Variants in CDKAL1 observed in about 807,000 individuals in gnomAD.
CDKAL1 encodes the protein CDKAL1 threonylcarbamoyladenosine tRNA methylthiotransferase, also known as threonylcarbamoyladenosine tRNA methylthiotransferase.
Under a neutral mutation model 68.2 loss-of-function variants are expected in CDKAL1, and 32 were observed. That is an observed-to-expected ratio of 0.47 (90% CI 0.35 to 0.63). The LOEUF is 0.63. CDKAL1 is among the 30% of genes least tolerant of loss of function. The pLI, the probability that CDKAL1 is intolerant of heterozygous loss-of-function variation, is 0.00. For synonymous variants in CDKAL1, 234 were observed against 244.3 expected (o/e 0.96, Z 0.39); for missense variants, 606 against 696.7 (o/e 0.87, Z 1.47).
At chr6:20,897,897 G>A (rs1761774723) in intron 9 of CDKAL1, among the ~76,000 whole-genome samples, 1 of 151,890 alleles carries the variant, frequency 6.6e-6, no homozygotes, top group Non-Finnish European at 1.5e-5. Context: ...CATTTTTAAA[G>A]TAATTAAAAT....
intron 10 of CDKAL1, among the ~76,000 whole-genome samples, chr6:20,958,541 C>T (rs1201096581): frequency 6.6e-6 from 1 of 152,134 alleles, no homozygotes; most frequent in East Asian, 1.9e-4. Flanking sequence ...GCTTAGACCA[C>T]TCTACAGAAA....
chr6:20,892,434 A>G (rs959407181), intron 9 of CDKAL1, among the ~76,000 whole-genome samples: 3 of 152,230 alleles, frequency 2.0e-5, no homozygotes, highest in East Asian at 1.9e-4. Context: ...AGGTATGGTA[A>G]TAATGAAATA....
chr6:20,706,218 GAT>G (rs1342691191), intron 5 of CDKAL1, among the ~76,000 whole-genome samples: 1 of 152,186 alleles, frequency 6.6e-6, no homozygotes. Flanking sequence ...TGTATCCAGA[GAT>G]ACCCATGCCT....
chr6:20,869,857 A>G (rs529830786), intron 9 of CDKAL1, among the ~76,000 whole-genome samples: 1 of 152,278 alleles, frequency 6.6e-6, no homozygotes, highest in Admixed American at 6.5e-5. Flanking sequence ...CTGATGGCTG[A>G]TTTTTTAATG....
chr6:20,644,402 G>C (rs1261740359), intron 4 of CDKAL1, among the ~76,000 whole-genome samples: 1 of 152,150 alleles, frequency 6.6e-6, no homozygotes, highest in African/African-American at 2.4e-5. Flanking sequence ...TCCTGGCCAG[G>C]CGTGGTGGCT....
intron 2 of CDKAL1, among the ~76,000 whole-genome samples, chr6:20,538,083 A>C (rs1195088123): frequency 6.6e-6 from 1 of 152,174 alleles, no homozygotes; most frequent in Non-Finnish European, 1.5e-5. Context: ...GTTTGGTATA[A>C]TTGTCAGGTT....
intron 7 of CDKAL1, among the ~76,000 whole-genome samples, chr6:20,773,714 A>C (rs927892308): frequency 2.6e-5 from 4 of 151,710 alleles, no homozygotes; most frequent in African/African-American, 9.7e-5. Flanking sequence ...CGCCCAGCTA[A>C]TTTTTTTATT....
intron 5 of CDKAL1, among the ~76,000 whole-genome samples, chr6:20,731,603 G>A (rs1398190063): frequency 6.6e-6 from 1 of 152,186 alleles, no homozygotes; most frequent in African/African-American, 2.4e-5. Context: ...TTTAGATACA[G>A]CTTTTAAGTC....
intron 13 of CDKAL1, among the ~76,000 whole-genome samples, chr6:21,186,989 T>C (rs1481585439): frequency 6.6e-6 from 1 of 152,226 alleles, no homozygotes; most frequent in Non-Finnish European, 1.5e-5. Context: ...TACTCCAGTA[T>C]ATCAAAACTA....
intron 5 of CDKAL1, among the ~76,000 whole-genome samples, chr6:20,734,863 CTTTTTTTT>C (rs34104100): frequency 1.8e-4 from 16 of 87,694 alleles, no homozygotes; most frequent in East Asian, 7.6e-4. Context: ...TGCTGCACCT[CTTTTTTTT>C]TTTTTTTTTT....
chr6:20,882,314 G>A (rs1252251468), intron 9 of CDKAL1, among the ~76,000 whole-genome samples: 1 of 152,098 alleles, frequency 6.6e-6, no homozygotes, highest in Non-Finnish European at 1.5e-5. Flanking sequence ...TAGCTCATAC[G>A]CTTTGTCCTG....
chr6:21,111,069 T>C (rs1365522452), intron 13 of CDKAL1, among the ~76,000 whole-genome samples: 2 of 152,084 alleles, frequency 1.3e-5, no homozygotes, highest in Non-Finnish European at 2.9e-5. Context: ...AACTAAATGA[T>C]GTTTGGGGGG....
intron 13 of CDKAL1, among the ~76,000 whole-genome samples, chr6:21,191,039 G>T (rs1295325289): frequency 1.3e-5 from 2 of 152,174 alleles, no homozygotes; most frequent in African/African-American, 4.8e-5. Context: ...GAAACCTTTT[G>T]CTTTTTCTAG....
chr6:20,853,387 AAAACAAAAAAAAAAC>A (rs143082353), intron 9 of CDKAL1, among the ~76,000 whole-genome samples: 76,804 of 116,896 alleles, frequency 0.66, 22,126 homozygotes, highest in Non-Finnish European at 0.72. Flanking sequence ...CTCAAAAAAC[AAAACAAAAAAAAAAC>A]AAAAAAAAAA....
chr6:20,870,415 T>C (rs1164593708), intron 9 of CDKAL1, among the ~76,000 whole-genome samples: 1 of 152,340 alleles, frequency 6.6e-6, no homozygotes, highest in East Asian at 1.9e-4. Flanking sequence ...TCTCCTATTA[T>C]ATTTCTAGAA....
intron 9 of CDKAL1, among the ~76,000 whole-genome samples, chr6:20,899,087 T>A (rs1761840570): frequency 8.0e-6 from 1 of 124,722 alleles, no homozygotes; most frequent in Admixed American, 8.6e-5. Context: ...TTTTTTTTGA[T>A]GGAGTCTTGC....
chr6:20,866,585 T>C (rs1043702291), intron 9 of CDKAL1, among the ~76,000 whole-genome samples: 5 of 152,222 alleles, frequency 3.3e-5, no homozygotes, highest in Non-Finnish European at 1.5e-5. Flanking sequence ...CACACAGATA[T>C]TATTTTACAG....
chr6:20,749,305 A>T (rs1773810607), intron 6 of CDKAL1, among the ~76,000 whole-genome samples: 1 of 152,176 alleles, frequency 6.6e-6, no homozygotes, highest in Admixed American at 6.5e-5. Context: ...TCCCATCATT[A>T]TGTGACCTCA....
intron 4 of CDKAL1, among the ~76,000 whole-genome samples, chr6:20,589,004 C>CTTGT (rs1765485482): frequency 6.6e-6 from 1 of 152,068 alleles, no homozygotes; most frequent in Non-Finnish European, 1.5e-5. Flanking sequence ...AGTCTTGGTT[C>CTTGT]AGGTGATTTA....
Sources: gnomAD v4.1 joint callset for allele counts (sites outside exome capture counted in the v4.1 genomes callset) on GRCh38, gnomAD v4.1.1 for gene constraint, MANE v1.5 for transcripts, NCBI Gene and HGNC (gene_info 2026-07-23, HGNC 2026-07-21) for gene names.